Variants in TPTE observed in about 807,000 individuals in gnomAD.
TPTE encodes the protein putative tyrosine-protein phosphatase TPTE.
A neutral mutation model predicts 84.1 loss-of-function variants in TPTE; 59 were observed. The observed-to-expected ratio is 0.70, with a 90% CI of 0.57 to 0.87. The LOEUF is 0.87. TPTE is among the 40% of genes least tolerant of loss of function. The pLI is 0.00. For missense variants in TPTE, 382 were observed against 659.6 expected (o/e 0.58, Z 4.61); for synonymous variants, 130 against 223.5 (o/e 0.58, Z 3.73).
chr21:10,542,555 C>CCATCCATCCATCCATT (rs2074389285), intron 6 of TPTE, 107 bp downstream of exon 6: 2 of 1,374,356 alleles, frequency 1.5e-6, no homozygotes, highest in African/African-American at 1.6e-5. Context: ...ATCCATCCAT[C>CCATCCATCCATCCATT]CATCCATTCA....
chr21:10,567,976 C>A (rs1205640065), intron 11 of TPTE, among the ~76,000 whole-genome samples, 187 bp downstream of exon 11: 1 of 152,308 alleles, frequency 6.6e-6, no homozygotes, highest in Non-Finnish European at 1.5e-5. Flanking sequence ...TATTTAGGGA[C>A]CGGTGAAGAG....
intron 14 of TPTE, among the ~76,000 whole-genome samples, chr21:10,571,977 C>T (rs2075052291): frequency 1.3e-5 from 2 of 152,122 alleles, no homozygotes; most frequent in African/African-American, 2.4e-5. Flanking sequence ...TGCACTCCAG[C>T]CTGGGTGGCA....
chr21:10,539,307 A>C (rs469958), intron 4 of TPTE, among the ~76,000 whole-genome samples: 1 of 152,092 alleles, frequency 6.6e-6, no homozygotes, highest in Non-Finnish European at 1.5e-5. Context: ...CTCTGTCAAC[A>C]TATGAGGTTG....
intron 8 of TPTE, among the ~76,000 whole-genome samples, chr21:10,554,516 A>G (rs1191207510): frequency 1.3e-5 from 2 of 152,310 alleles, no homozygotes; most frequent in African/African-American, 4.8e-5. Context: ...ATGTTCTTTG[A>G]CACACCTTCA....
chr21:10,599,409 G>T (rs1433646153), intron 21 of TPTE, among the ~76,000 whole-genome samples: 1 of 152,290 alleles, frequency 6.6e-6, no homozygotes, highest in Non-Finnish European at 1.5e-5. Context: ...TGCTCTCGTT[G>T]TGAAAAATTG....
chr21:10,574,678 C>T (rs210509), intron 14 of TPTE, among the ~76,000 whole-genome samples: 11,892 of 133,576 alleles, frequency 0.089, 2 homozygotes, highest in African/African-American at 0.25. Context: ...ATGGCCCAGC[C>T]GGGGGCGGCA....
At chr21:10,566,659 G>T (rs1265441486) in intron 10 of TPTE, among the ~76,000 whole-genome samples, 1 of 152,310 alleles carries the variant, frequency 6.6e-6, no homozygotes, top group African/African-American at 2.4e-5. Flanking sequence ...ATACACAAGA[G>T]AGTATTATTT....
At chr21:10,541,877 G>A (rs1363890463) in intron 5 of TPTE, among the ~76,000 whole-genome samples, 1 of 152,308 alleles carries the variant, frequency 6.6e-6, no homozygotes, top group African/African-American at 2.4e-5. Flanking sequence ...CCTTGGAGGT[G>A]TTCACCACCC....
intron 8 of TPTE, among the ~76,000 whole-genome samples, chr21:10,555,178 G>C (rs1379672665): frequency 6.6e-6 from 1 of 152,306 alleles, no homozygotes; most frequent in Non-Finnish European, 1.5e-5. Flanking sequence ...GGAACTTTCA[G>C]TGTATTAAGG....
At chr21:10,597,630 G>A (rs1433486420) in intron 20 of TPTE, among the ~76,000 whole-genome samples, 2 of 152,308 alleles carry the variant, frequency 1.3e-5, no homozygotes, top group Admixed American at 6.5e-5. Context: ...GGCCACGCTG[G>A]TTTAGAATTC....
At chr21:10,540,043 A>G (rs2074339544) in intron 4 of TPTE, among the ~76,000 whole-genome samples, 1 of 152,416 alleles carries the variant, frequency 6.6e-6, no homozygotes, top group East Asian at 1.9e-4. Context: ...AACAAAAACA[A>G]AAAACCAAAA....
intron 17 of TPTE, among the ~76,000 whole-genome samples, chr21:10,582,188 A>G (rs1256242444): frequency 4.6e-5 from 7 of 152,308 alleles, no homozygotes; most frequent in African/African-American, 2.4e-5. Context: ...TCCATTTTCA[A>G]TATTTGGGTC....
chr21:10,540,185 C>T (rs1257296584), intron 4 of TPTE, among the ~76,000 whole-genome samples: 3 of 152,304 alleles, frequency 2.0e-5, no homozygotes, highest in African/African-American at 4.8e-5. Context: ...GTAGGCTGGC[C>T]AATGCACCAT....
At chr21:10,536,265 G>T (rs1212606447) in intron 3 of TPTE, among the ~76,000 whole-genome samples, 1 of 152,302 alleles carries the variant, frequency 6.6e-6, no homozygotes, top group East Asian at 1.9e-4. Context: ...GTGAGAGTGA[G>T]ACTCCGCCTA....
At position 10,540,762 on chromosome 21, in the gene TPTE, A is replaced by C. The variant is rs550099504; in HGVS notation, c.12-350A>C. On this transcript the variant is annotated intron_variant, in intron 4 of 23. Transcript: ENST00000618007. Reference sequence around the variant, plus strand: ...GGGTGAAAAGTGAGGAGGTGATTGGAGGTGATAGAGAATGAGGAACTCAAA... The same window carrying C: ...GGGTGAAAAGTGAGGAGGTGATTGGCGGTGATAGAGAATGAGGAACTCAAA... 23 of 521,672 alleles carry C rather than the reference A, an allele frequency of 4.4e-5. No individual in the cohort carries two copies. In the East Asian group the frequency reaches 1.2e-3, roughly 27 times the overall value. 32.3% of individuals were successfully genotyped at this position (521,672 alleles called of 1,614,324 possible). A position where few individuals can be genotyped will look rare whatever the true frequency, so the allele number is the denominator to read the frequency against.
chr21:10,591,110 C>A lies in TPTE; in HGVS notation c.1089+587C>A, dbSNP rs1482436897. Among the ~76,000 whole-genome samples the A allele has an allele frequency of 2.6e-5, 4 of 152,422 alleles. No homozygotes were observed. In the East Asian group the frequency reaches 5.8e-4, roughly 22 times the overall value. ...GTAGATAAAAAGCAACATTTCACAA[C>A]TCAAAACAAAGCCTCTCCTGAATGT... On this transcript the variant is annotated intron_variant, in intron 18 of 23. Transcript: ENST00000618007.
At chr21:10,537,057 T>A (rs1355104262) in intron 3 of TPTE, among the ~76,000 whole-genome samples, 1 of 152,308 alleles carries the variant, frequency 6.6e-6, no homozygotes. Context: ...CTTGACCCTG[T>A]GTGAGAGCAG....
chr21:10,574,117 C>A (rs2075102591), intron 14 of TPTE, among the ~76,000 whole-genome samples: 1 of 152,310 alleles, frequency 6.6e-6, no homozygotes, highest in Non-Finnish European at 1.5e-5. Context: ...ATAGTCGGGG[C>A]ATATTGCTTT....
intron 17 of TPTE, among the ~76,000 whole-genome samples, chr21:10,581,332 A>T (rs1430523402): frequency 3.3e-5 from 5 of 152,310 alleles, no homozygotes; most frequent in African/African-American, 1.2e-4. Flanking sequence ...AGAAGTTAGC[A>T]TCAGTTTTCT....
Sources: gnomAD v4.1 joint callset for allele counts (sites outside exome capture counted in the v4.1 genomes callset) on GRCh38, gnomAD v4.1.1 for gene constraint, MANE v1.5 for transcripts, NCBI Gene and HGNC (gene_info 2026-07-23, HGNC 2026-07-21) for gene names.